The following PPIP5K2 variants were observed in gnomAD, a reference collection of about 807,000 sequenced individuals.
The protein encoded by PPIP5K2 is diphosphoinositol pentakisphosphate kinase 2, also known as inositol hexakisphosphate and diphosphoinositol-pentakisphosphate kinase 2.
Under a neutral mutation model 154.6 loss-of-function variants are expected in PPIP5K2, and 105 were observed. That is an observed-to-expected ratio of 0.68 (90% CI 0.58 to 0.80). The LOEUF is 0.80. Among genes scored for constraint, PPIP5K2 ranks in the 30% least tolerant of loss-of-function variants. The pLI is 0.00. For missense variants in PPIP5K2, 992 were observed against 1,504.6 expected, an observed-to-expected ratio of 0.66 and a Z score of 5.64; for synonymous variants, 480 against 490.3, an observed-to-expected ratio of 0.98 and a Z score of 0.28.
Position 103,195,117 on chromosome 5 carries a change from T to C in PPIP5K2, c.3619+92T>C, listed in dbSNP as rs144876477. Reference sequence around the variant, plus strand: ...AAATGTCAAATTTGTTTTTAATTAGTATCTTTGCACTTCCCTAGAGCGTAA... The same window carrying C: ...AAATGTCAAATTTGTTTTTAATTAGCATCTTTGCACTTCCCTAGAGCGTAA... On this transcript the variant is annotated intron_variant, in intron 30 of 30. Coordinates refer to ENST00000358359, the MANE Select transcript of PPIP5K2 (RefSeq NM_001276277.3). 5.0e-4 allele frequency: 744 copies of C among 1,489,862 alleles called. 3 individuals are homozygous for C. The African/African-American group carries it at 9.1e-3, about 18-fold the overall frequency. The allele number at this position is 1,489,862 out of a possible 1,614,324, so 92.3% of individuals were successfully genotyped here.
chr5:103,186,311 T>C lies in PPIP5K2; in HGVS notation c.3170-9T>C. The C allele has an allele frequency of 6.2e-7, 1 of 1,613,528 alleles. No homozygotes were observed. The highest frequency in any genetic ancestry group is 8.5e-7 in the Non-Finnish European group (1 of 1,179,716). On this transcript the variant is annotated splice_polypyrimidine_tract_variant and intron_variant, in intron 26 of 30. Coordinates refer to ENST00000358359, the MANE Select transcript of PPIP5K2 (RefSeq NM_001276277.3). The stretch of plus-strand genomic sequence containing the variant: ...CCGTTGTGTATGTATTTTCTCTAAC[T>C]CCCATCAGGGTCTCACTGTGCGGGC...
intron 8 of PPIP5K2, among the ~76,000 whole-genome samples, chr5:103,149,702 CT>C (rs548259015): frequency 1.7e-3 from 244 of 140,126 alleles, no homozygotes; most frequent in East Asian, 5.7e-3. Context: ...AAAAACATTT[CT>C]TTTTTTTTTT....
At position 103,203,759 on chromosome 5, in the gene PPIP5K2, A is replaced by G. The variant is rs1247917203; in HGVS notation, c.*2125A>G. On this transcript the variant is annotated 3_prime_UTR_variant, in exon 31 of 31. Coordinates refer to ENST00000358359, the MANE Select transcript of PPIP5K2 (RefSeq NM_001276277.3). ...TTCAGTTCCTTCACCCTTAAAAGCC[A>G]TATAATAGGCTCAGACCTAACTTAG... 1 of 152,240 alleles carries G rather than the reference A, an allele frequency of 6.6e-6. No homozygotes were observed. The highest frequency in any genetic ancestry group is 2.4e-5 in the African/African-American group (1 of 41,462). 9.4% of individuals were successfully genotyped at this position (152,240 alleles called of 1,614,324 possible). A position where few individuals can be genotyped will look rare whatever the true frequency, so the allele number is the denominator to read the frequency against.
chr5:103,129,113 T>C lies in PPIP5K2; in HGVS notation c.-284-193T>C, dbSNP rs545937721. ...GTCAAATTGCTAAGATGTATATTACTGAAGATCAGTTTTAGTTTCTTAATT... is the reference window on the plus strand; with the variant it reads ...GTCAAATTGCTAAGATGTATATTACCGAAGATCAGTTTTAGTTTCTTAATT... On this transcript the variant is annotated intron_variant, in intron 1 of 30. Transcript: ENST00000358359. 2.0e-5 allele frequency among the ~76,000 whole-genome samples: 3 copies of C among 152,336 alleles called. No homozygotes were observed. The South Asian group carries it at 6.2e-4, about 32-fold the overall frequency.
intron 30 of PPIP5K2, among the ~76,000 whole-genome samples, chr5:103,195,672 C>T (rs1257915502): frequency 5.9e-5 from 9 of 152,084 alleles, no homozygotes; most frequent in Non-Finnish European, 1.0e-4. Context: ...CTCTACTTTT[C>T]TTGTTTGATC....
intron 29 of PPIP5K2, among the ~76,000 whole-genome samples, chr5:103,193,691 C>T (rs2082797433): frequency 6.6e-6 from 1 of 152,000 alleles, no homozygotes; most frequent in South Asian, 2.1e-4. Context: ...TCATTAGTGA[C>T]TACTTTGAGC....
Position 103,180,085 on chromosome 5 carries a change from A to G in PPIP5K2, c.2819A>G (p.Glu940Gly). Residue 940 changes from glutamate to glycine, a missense_variant, in exon 24 of 31, where the codon GAA becomes GGA. Glu to Gly is a moderately conservative substitution (Grantham distance 98). Coordinates refer to ENST00000358359, the MANE Select transcript of PPIP5K2 (RefSeq NM_001276277.3). ...GAACCACATACTTCTAAAAGAGATG[A>G]AGTTGATCGAGCTGTGATATTGTTT... is the stretch of plus-strand genomic sequence containing the variant. The part of the protein sequence containing the change: ...DDEPHTSKRD[E>G]VDRAVILFKP... The G allele has an allele frequency of 6.2e-7, 1 of 1,604,144 alleles. No individual in the cohort carries two copies. Among genetic ancestry groups the G allele is most frequent in the East Asian group, 2.3e-5 (1 of 44,048 alleles).
rs116107768 is a variant in PPIP5K2 at position 103,157,180 on chromosome 5, A to C, written c.1490-1008A>C. The stretch of plus-strand genomic sequence containing the variant: ...ATTATTAAGTTCTTTTAGTGCTTAT[A>C]ATGCTTATTTTTGAATTACTTTTTT... On this transcript the variant is annotated intron_variant, in intron 14 of 30. Coordinates refer to ENST00000358359, the MANE Select transcript of PPIP5K2 (RefSeq NM_001276277.3). 1.7e-3 allele frequency among the ~76,000 whole-genome samples: 258 copies of C among 152,220 alleles called. 1 individual carries two copies. The highest frequency in any genetic ancestry group is 6.0e-3 in the African/African-American group (250 of 41,552).
rs1554204419 is a variant in PPIP5K2, at chr5:103,136,791, G to T, written c.370G>T (p.Asp124Tyr). Residue 124 changes from aspartate to tyrosine, a missense_variant, in exon 4 of 31, where the codon GAC (aspartate) becomes TAC (tyrosine). Asp to Tyr is a radical substitution (Grantham distance 160). Coordinates refer to ENST00000358359, the MANE Select transcript of PPIP5K2 (RefSeq NM_001276277.3). Reference sequence around the variant, plus strand: ...ACTCAGGAATCCATTTGTAATCAATGACTTGAATATGCAGTATCTCATACA... The same window carrying T: ...ACTCAGGAATCCATTTGTAATCAATTACTTGAATATGCAGTATCTCATACA... ...AKLRNPFVIN[D>Y]LNMQYLIQDR... 6.2e-7 allele frequency: 1 copy of T among 1,613,710 alleles called. No homozygotes were observed. The highest frequency in any genetic ancestry group is 1.7e-5 in the Admixed American group (1 of 60,026).
intron 1 of PPIP5K2, among the ~76,000 whole-genome samples, chr5:103,125,586 ACT>A (rs1789530901): frequency 6.6e-6 from 1 of 151,506 alleles, no homozygotes; most frequent in Admixed American, 6.6e-5. Flanking sequence ...TCTTTTATAA[ACT>A]CTTCAAAATA....
chr5:103,158,066 G>A, intron 14 of PPIP5K2, 122 bp from the exon 15 acceptor site: 2 of 1,080,866 alleles, frequency 1.9e-6, no homozygotes, highest in Non-Finnish European at 2.6e-6. Flanking sequence ...ATTTAAGGAA[G>A]AAAATATCTT....
intron 2 of PPIP5K2, among the ~76,000 whole-genome samples, chr5:103,132,659 T>C (rs191758467): frequency 5.3e-5 from 8 of 152,212 alleles, no homozygotes; most frequent in African/African-American, 1.9e-4. Context: ...GTATGAAATA[T>C]ATAAAGTATC....
chr5:103,149,903 G>T (rs1794364275), intron 8 of PPIP5K2, among the ~76,000 whole-genome samples: 1 of 151,856 alleles, frequency 6.6e-6, no homozygotes, highest in Non-Finnish European at 1.5e-5. Context: ...CTCCACGTTG[G>T]CCAGGCTCAT....
chr5:103,154,747 C>A lies in PPIP5K2; in HGVS notation c.1293+2C>A, dbSNP rs139998338. On this transcript the variant is annotated splice_donor_variant, in intron 12 of 30. Coordinates refer to ENST00000358359, the MANE Select transcript of PPIP5K2 (RefSeq NM_001276277.3). LOFTEE classifies it high-confidence loss of function. ...CTCAAAAAACCAAAACAGTTACAGG[C>A]AAGTGTATTTGCTTTCTTGTTTAAT... The A allele has an allele frequency of 3.2e-6, 5 of 1,580,454 alleles. No homozygotes were observed. The highest frequency in any genetic ancestry group is 4.3e-6 in the Non-Finnish European group (5 of 1,162,716).
At chr5:103,183,176 CTTTTTTTTTTTTTTTTTTTTTTTTTTT>C in intron 24 of PPIP5K2, 31 bp from the exon 25 acceptor site, 1 of 538,856 alleles carries the variant, frequency 1.9e-6, no homozygotes, top group Non-Finnish European at 2.3e-6. Flanking sequence ...GCATGCTCTG[CTTTTTTTTTTTTTTTTTTTTTTTTTTT>C]TTTTTTTTTT....
At chr5:103,188,041 C>G (rs1800678617) in intron 28 of PPIP5K2, among the ~76,000 whole-genome samples, 1 of 152,054 alleles carries the variant, frequency 6.6e-6, no homozygotes, top group Non-Finnish European at 1.5e-5. Flanking sequence ...TTAGAGGACT[C>G]CTGATAGGAA....
intron 5 of PPIP5K2, 88 bp from the exon 6 acceptor site, chr5:103,146,439 T>C (rs1793769207): frequency 7.4e-7 from 1 of 1,343,756 alleles, no homozygotes. Flanking sequence ...TTATGGTCTT[T>C]TAGTGAAAAA....
At chr5:103,124,542 T>C (rs191415195) in intron 1 of PPIP5K2, among the ~76,000 whole-genome samples, 2 of 152,286 alleles carry the variant, frequency 1.3e-5, no homozygotes, top group Non-Finnish European at 1.5e-5. Flanking sequence ...CAAGTCTTAA[T>C]TTATAATGAC....
chr5:103,152,836 T>G, intron 10 of PPIP5K2, 87 bp downstream of exon 10: 1 of 838,326 alleles, frequency 1.2e-6, no homozygotes. Context: ...GAATGATGAT[T>G]AGACACTTTA....
Sources: allele counts gnomAD v4.1 joint callset (sites outside exome capture counted in the v4.1 genomes callset), GRCh38; gene constraint gnomAD v4.1.1; transcripts MANE v1.5; gene names NCBI Gene and HGNC (gene_info 2026-07-23, HGNC 2026-07-21).